The following GLI3 variants were observed in gnomAD, a reference collection of about 807,000 sequenced individuals.
The protein encoded by GLI3 is GLI family zinc finger 3.
A neutral mutation model predicts 100.8 loss-of-function variants in GLI3; 20 were observed. That is an observed-to-expected ratio of 0.20 (90% CI 0.14 to 0.29). GLI3 has a LOEUF of 0.29. Ranked by LOEUF, GLI3 falls within the 10% of genes least tolerant of loss-of-function variation. The pLI is 1.00. For missense variants in GLI3, 2,040 were observed against 2,128.5 expected (o/e 0.96, Z 0.82); for synonymous variants, 938 against 860.5 (o/e 1.09, Z -1.58).
intron 3 of GLI3, among the ~76,000 whole-genome samples, chr7:42,082,594 A>G (rs10256288): frequency 0.23 from 35,660 of 151,984 alleles, 4,638 homozygotes; most frequent in African/African-American, 0.34. Context: ...CACCTCATGG[A>G]GCACTAGGAA....
chr7:42,111,733 T>C (rs987764503), intron 3 of GLI3, among the ~76,000 whole-genome samples: 1 of 152,206 alleles, frequency 6.6e-6, no homozygotes, highest in Non-Finnish European at 1.5e-5. Context: ...CTAGCTCACC[T>C]AGCTCTGTTC....
chr7:41,964,985 C>A lies in GLI3; in HGVS notation c.4088G>T (p.Cys1363Phe), dbSNP rs980107862. 6.2e-7 allele frequency: 1 copy of A among 1,613,820 alleles called. No homozygotes were observed. The highest frequency in any genetic ancestry group is 8.5e-7 in the Non-Finnish European group (1 of 1,180,036). ...GCCCATGCCGTGAGCCCCTGGCAGG[C>A]AGCTCTCTGGCCCTTGGTAGATGTT... is the stretch of plus-strand genomic sequence containing the variant. ...HINIYQGPES[C>F]LPGAHGMGSQ... is the part of the protein sequence containing the mutation. Residue 1363 changes from cysteine (C) to phenylalanine (F), a missense_variant, in exon 15 of 15, where the codon TGC becomes TTC. Physicochemically the swap from Cys to Phe is radical, Grantham distance 205. Around this residue, in one of 5 missense-constraint regions of GLI3, gnomAD observed 1,041 missense variants for 924.0 expected, o/e 1.13. Coordinates refer to ENST00000395925, the MANE Select transcript of GLI3 (RefSeq NM_000168.6).
At chr7:42,184,889 T>A (rs1047366021) in intron 2 of GLI3, among the ~76,000 whole-genome samples, 1 of 152,148 alleles carries the variant, frequency 6.6e-6, no homozygotes, top group Non-Finnish European at 1.5e-5. Flanking sequence ...GGCACCTTCG[T>A]TGCATCCTGA....
At chr7:42,071,623 A>AT (rs2128750389) in intron 4 of GLI3, among the ~76,000 whole-genome samples, 1 of 152,330 alleles carries the variant, frequency 6.6e-6, no homozygotes, top group African/African-American at 2.4e-5. Context: ...AGGGGAACTC[A>AT]GTAGTAGCCC....
intron 1 of GLI3, among the ~76,000 whole-genome samples, chr7:42,249,863 G>T (rs1789013818): frequency 6.6e-6 from 1 of 152,170 alleles, no homozygotes; most frequent in African/African-American, 2.4e-5. Flanking sequence ...GGGAGGCTGA[G>T]TTGGGCGAAT....
At chr7:42,016,238 C>G (rs546478394) in intron 10 of GLI3, among the ~76,000 whole-genome samples, 2 of 152,262 alleles carry the variant, frequency 1.3e-5, no homozygotes, top group South Asian at 4.2e-4. Flanking sequence ...GAGATGGAAT[C>G]TCCGCACTGC....
At chr7:42,051,704 T>G (rs189746807) in intron 4 of GLI3, among the ~76,000 whole-genome samples, 22 of 152,302 alleles carry the variant, frequency 1.4e-4, no homozygotes, top group Admixed American at 1.4e-3. Flanking sequence ...GCAATTTAAA[T>G]TCATAGCAAA....
rs117642562 is a variant in GLI3 at position 42,209,007 on chromosome 7, C to T, written c.124+14123G>A. ...TGGGCAAAATCTCCCTGAATTTGTA[C>T]CTGAAACTTTTATCTGTAGAGTACC... On this transcript the variant is annotated intron_variant, in intron 2 of 14. Coordinates refer to ENST00000395925, the MANE Select transcript of GLI3 (RefSeq NM_000168.6). Among the ~76,000 whole-genome samples, 1,239 of 152,170 alleles carry T rather than the reference C, an allele frequency of 8.1e-3. 11 individuals are homozygous for T. The highest frequency in any genetic ancestry group is 0.012 in the Non-Finnish European group (825 of 67,988).
At chr7:42,157,639 T>C (rs963743299) in intron 2 of GLI3, among the ~76,000 whole-genome samples, 3 of 152,248 alleles carry the variant, frequency 2.0e-5, no homozygotes, top group African/African-American at 7.2e-5. Flanking sequence ...CCAATTAGCA[T>C]AAAAATATTT....
chr7:42,091,327 A>G (rs1218996098), intron 3 of GLI3, among the ~76,000 whole-genome samples: 2 of 152,168 alleles, frequency 1.3e-5, no homozygotes, highest in African/African-American at 4.8e-5. Context: ...TTCACTGCCC[A>G]GGTACAGGTC....
chr7:41,974,476 G>A (rs1457930251), intron 12 of GLI3, among the ~76,000 whole-genome samples: 2 of 152,170 alleles, frequency 1.3e-5, no homozygotes, highest in African/African-American at 4.8e-5. Flanking sequence ...TAAGAAAAAT[G>A]TTCTCAGACT....
At chr7:42,026,777 T>C (rs1260154359) in intron 7 of GLI3, among the ~76,000 whole-genome samples, 4 of 152,256 alleles carry the variant, frequency 2.6e-5, no homozygotes, top group Non-Finnish European at 5.9e-5. Flanking sequence ...TTCCTGTGCA[T>C]GGAGCAATTC....
At chr7:41,987,101 G>GACACAGACACAC (rs1554308382) in intron 10 of GLI3, among the ~76,000 whole-genome samples, 4,746 of 140,664 alleles carry the variant, frequency 0.034, 121 homozygotes, top group African/African-American at 0.068. Context: ...CACAGACACA[G>GACACAGACACAC]ACACACACAC....
At chr7:42,151,624 TC>T (rs1312441873) in intron 2 of GLI3, 1 of 152,228 alleles carries the variant, frequency 6.6e-6, no homozygotes, top group African/African-American at 2.4e-5. Context: ...AGGCAACTGT[TC>T]CCGCTTCTCT....
At chr7:42,155,080 G>A (rs1334788529) in intron 2 of GLI3, among the ~76,000 whole-genome samples, 1 of 152,188 alleles carries the variant, frequency 6.6e-6, no homozygotes, top group African/African-American at 2.4e-5. Context: ...AAGATTATGG[G>A]ATTGCTCTCT....
At chr7:42,009,912 C>A (rs1406073502) in intron 10 of GLI3, among the ~76,000 whole-genome samples, 2 of 152,144 alleles carry the variant, frequency 1.3e-5, no homozygotes, top group Admixed American at 1.3e-4. Flanking sequence ...CCACAGTAGC[C>A]CCAGTGGACT....
At chr7:42,228,571 G>A (rs978163193) in intron 1 of GLI3, among the ~76,000 whole-genome samples, 32 of 152,202 alleles carry the variant, frequency 2.1e-4, no homozygotes, top group Admixed American at 1.9e-3. Flanking sequence ...GGCAAGGGCC[G>A]GCCCTGGTTG....
At chr7:42,178,784 G>A (rs963067527) in intron 2 of GLI3, among the ~76,000 whole-genome samples, 3 of 152,144 alleles carry the variant, frequency 2.0e-5, no homozygotes, top group African/African-American at 7.2e-5. Flanking sequence ...AAAGTAGAGT[G>A]GTGTTCAGTG....
At chr7:42,032,298 A>G (rs1241001589) in intron 7 of GLI3, among the ~76,000 whole-genome samples, 1 of 152,202 alleles carries the variant, frequency 6.6e-6, no homozygotes, top group African/African-American at 2.4e-5. Flanking sequence ...AATACATTAA[A>G]CCTGGAAATA....
Sources: allele counts gnomAD v4.1 joint callset (sites outside exome capture counted in the v4.1 genomes callset), GRCh38; gene constraint gnomAD v4.1.1; regional missense constraint gnomAD v4.1.1; transcripts MANE v1.5; gene names NCBI Gene and HGNC (gene_info 2026-07-23, HGNC 2026-07-21).